The following SGCZ variants were observed in gnomAD, a reference collection of about 807,000 sequenced individuals.
SGCZ encodes the protein sarcoglycan zeta, also known as zeta-sarcoglycan.
In SGCZ, 40 loss-of-function variants were observed where a neutral mutation model predicts 41.3. That is an observed-to-expected ratio of 0.97 (90% CI 0.75 to 1.26). SGCZ has a LOEUF of 1.26. SGCZ is among the 50% of genes most tolerant of loss of function. SGCZ has a pLI of 0.00. For missense variants in SGCZ, 552 were observed against 369.8 expected, an observed-to-expected ratio of 1.49 and a Z score of -4.04; for synonymous variants, 206 against 137.5, an observed-to-expected ratio of 1.50 and a Z score of -3.49.
At chr8:14,495,208 G>A (rs762940485) in intron 2 of SGCZ, among the ~76,000 whole-genome samples, 2 of 152,076 alleles carry the variant, frequency 1.3e-5, no homozygotes, top group Non-Finnish European at 2.9e-5. Flanking sequence ...ATCTTCTTTG[G>A]GTAATGCCTA....
chr8:14,716,220 C>CA (rs35344487), intron 1 of SGCZ, among the ~76,000 whole-genome samples: 46,310 of 150,616 alleles, frequency 0.31, 7,625 homozygotes, highest in East Asian at 0.42. Flanking sequence ...ATAGTGAAAA[C>CA]AAAAAAAAGA....
intron 1 of SGCZ, among the ~76,000 whole-genome samples, chr8:14,739,129 TGAGA>T (rs1799129652): frequency 6.6e-6 from 1 of 152,032 alleles, no homozygotes; most frequent in Admixed American, 6.6e-5. Flanking sequence ...TCTGTGTGCG[TGAGA>T]GAGAGAATAG....
At chr8:14,628,217 C>T (rs1007485834) in intron 1 of SGCZ, among the ~76,000 whole-genome samples, 1 of 151,924 alleles carries the variant, frequency 6.6e-6, no homozygotes, top group Non-Finnish European at 1.5e-5. Flanking sequence ...AGCAAGTCAT[C>T]TAAAAAAGAT....
chr8:14,398,228 G>A (rs948401309), intron 2 of SGCZ, among the ~76,000 whole-genome samples: 1 of 152,140 alleles, frequency 6.6e-6, no homozygotes. Flanking sequence ...TTTGGAAGGT[G>A]GGAGAGTTAT....
intron 1 of SGCZ, among the ~76,000 whole-genome samples, chr8:14,830,515 T>C (rs1220683442): frequency 6.6e-6 from 1 of 152,220 alleles, no homozygotes; most frequent in Non-Finnish European, 1.5e-5. Context: ...ATGCTATTAA[T>C]TGTATTGTTT....
intron 4 of SGCZ, among the ~76,000 whole-genome samples, chr8:14,205,859 G>T (rs571823799): frequency 6.6e-6 from 1 of 151,918 alleles, no homozygotes; most frequent in Non-Finnish European, 1.5e-5. Flanking sequence ...TGAAATTTAG[G>T]AAGATATTTT....
intron 1 of SGCZ, among the ~76,000 whole-genome samples, chr8:15,114,758 T>C (rs1010334083): frequency 2.1e-5 from 3 of 144,916 alleles, no homozygotes; most frequent in Non-Finnish European, 4.5e-5. Context: ...TTCTTTTTGT[T>C]TTTTTTTTTT....
intron 2 of SGCZ, among the ~76,000 whole-genome samples, chr8:14,460,731 TGTTTCAAAA>T (rs1373871324): frequency 6.6e-6 from 1 of 152,182 alleles, no homozygotes; most frequent in Non-Finnish European, 1.5e-5. Context: ...GTGTGTGTAG[TGTTTCAAAA>T]GGTACAATAG....
At chr8:14,770,624 T>A (rs1470893992) in intron 1 of SGCZ, among the ~76,000 whole-genome samples, 1 of 152,146 alleles carries the variant, frequency 6.6e-6, no homozygotes, top group Non-Finnish European at 1.5e-5. Context: ...AGCACAGATT[T>A]CACTTGTGTG....
chr8:15,219,293 C>T (rs1801513453), intron 1 of SGCZ, among the ~76,000 whole-genome samples: 2 of 152,040 alleles, frequency 1.3e-5, no homozygotes, highest in African/African-American at 4.8e-5. Flanking sequence ...CACATATATA[C>T]ATATAAGTAT....
chr8:14,621,367 C>T (rs539335629), intron 1 of SGCZ, among the ~76,000 whole-genome samples: 1 of 151,668 alleles, frequency 6.6e-6, no homozygotes, highest in African/African-American at 2.4e-5. Context: ...AGCACACCAA[C>T]ATGGCACATG....
At chr8:14,367,157 AG>A in intron 2 of SGCZ, among the ~76,000 whole-genome samples, 1 of 152,252 alleles carries the variant, frequency 6.6e-6, no homozygotes, top group East Asian at 1.9e-4. Context: ...TCTTCGGGAC[AG>A]GGGCCAAATG....
At chr8:14,110,110 T>G (rs1386133555) in intron 5 of SGCZ, among the ~76,000 whole-genome samples, 2 of 152,118 alleles carry the variant, frequency 1.3e-5, no homozygotes, top group African/African-American at 4.8e-5. Flanking sequence ...TTCCTCAAGG[T>G]GGGTCTTTAA....
chr8:14,214,821 A>G (rs1805938095), intron 4 of SGCZ, among the ~76,000 whole-genome samples: 1 of 152,158 alleles, frequency 6.6e-6, no homozygotes, highest in Admixed American at 6.5e-5. Flanking sequence ...TGACATAGAA[A>G]TCATAAGCAG....
chr8:14,436,028 A>G (rs1169476661), intron 2 of SGCZ, among the ~76,000 whole-genome samples: 1 of 152,222 alleles, frequency 6.6e-6, no homozygotes, highest in Non-Finnish European at 1.5e-5. Flanking sequence ...CTAAGCAGGT[A>G]TTATTTCTCC....
chr8:14,472,701 T>C (rs1585561256), intron 2 of SGCZ, among the ~76,000 whole-genome samples: 1 of 152,152 alleles, frequency 6.6e-6, no homozygotes, highest in African/African-American at 2.4e-5. Context: ...GGAGAAGGAA[T>C]ATATCAGTAT....
chr8:14,544,234 T>C (rs556191384), intron 2 of SGCZ, among the ~76,000 whole-genome samples: 20 of 152,276 alleles, frequency 1.3e-4, no homozygotes, highest in Non-Finnish European at 2.4e-4. Context: ...TACTTTAATC[T>C]GTTAATCTTG....
chr8:14,141,655 G>T (rs1343305520), intron 5 of SGCZ, among the ~76,000 whole-genome samples: 1 of 152,162 alleles, frequency 6.6e-6, no homozygotes, highest in Admixed American at 6.5e-5. Flanking sequence ...TCATTAAAAA[G>T]TCGGGAAACA....
chr8:14,328,116 A>G (rs1175239662), intron 2 of SGCZ, among the ~76,000 whole-genome samples: 2 of 152,228 alleles, frequency 1.3e-5, no homozygotes, highest in African/African-American at 4.8e-5. Context: ...CCTAGATGAA[A>G]TGATAAAATG....
Sources: gnomAD v4.1 joint callset for allele counts (sites outside exome capture counted in the v4.1 genomes callset) on GRCh38, gnomAD v4.1.1 for gene constraint, MANE v1.5 for transcripts, NCBI Gene and HGNC (gene_info 2026-07-23, HGNC 2026-07-21) for gene names.